Variants in HMGB1 observed in about 807,000 individuals in gnomAD.
The protein encoded by HMGB1 is high mobility group protein B1.
For synonymous variants in HMGB1, 81 were observed against 84.0 expected (o/e 0.96, Z 0.19); for missense variants, 79 against 253.5 (o/e 0.31, Z 4.67).
At chr13:30,466,249 T>C (rs1886779584), upstream of HMGB1, among the ~76,000 whole-genome samples, 1 of 151,814 alleles carries the variant, frequency 6.6e-6, no homozygotes, top group Non-Finnish European at 1.5e-5. Context: ...GCCTGACTTT[T>C]CCACAAGTGT....
At chr13:30,575,236 C>T (rs1405478716) in intron 1 of HMGB1, among the ~76,000 whole-genome samples, 1 of 152,126 alleles carries the variant, frequency 6.6e-6, no homozygotes, top group Non-Finnish European at 1.5e-5. Flanking sequence ...GTTAAACTTG[C>T]TTCAGTTTGT....
Position 30,531,509 on chromosome 13 carries a change from CGTGTGTGTGTGTGTGTGTGTGTGT to C in HMGB1, c.-14-67839_-14-67816del, listed in dbSNP as rs376387192. Among the ~76,000 whole-genome samples, 9 of 135,666 alleles carry C rather than the reference CGTGTGTGTGTGTGTGTGTGTGTGT, an allele frequency of 6.6e-5. No homozygotes were observed. The East Asian group carries it at 1.3e-3, about 20-fold the overall frequency. 89.0% of individuals were successfully genotyped at this position (135,666 alleles called of 152,430 possible). A position where few individuals can be genotyped will look rare whatever the true frequency, so the allele number is the denominator to read the frequency against. Reference sequence around the variant, plus strand: ...GAACTGCTATGCTAGGTAACATATACGTGTGTGTGTGTGTGTGTGTGTGTGTGTGTGTGTGTGTGTGTGTGTGTT... The same window carrying C: ...GAACTGCTATGCTAGGTAACATATACGTGTGTGTGTGTGTGTGTGTGTGTT... On this transcript the variant is annotated intron_variant, in intron 1 of 4. Coordinates refer to the HMGB1 transcript ENST00000405805.
rs574148718 is a variant in HMGB1 at position 30,563,005 on chromosome 13, A to G, written c.-15+53666T>C. Among the ~76,000 whole-genome samples, 16 of 152,338 alleles carry G rather than the reference A, an allele frequency of 1.1e-4. No homozygotes were observed. The East Asian group carries it at 2.3e-3, about 22-fold the overall frequency. ...GCCAGGTCTGCGATGTATGTTCTAC[A>G]TGGTTTGGGGGGTAAAAAAAATGTC... On this transcript the variant is annotated intron_variant, in intron 1 of 4. Transcript: ENST00000405805.
intron 1 of HMGB1, among the ~76,000 whole-genome samples, chr13:30,503,528 T>C (rs921888550): frequency 1.3e-5 from 2 of 151,970 alleles, no homozygotes; most frequent in African/African-American, 4.8e-5. Context: ...ATGGATAAGG[T>C]TCCTCTTCTG....
At chr13:30,583,813 G>A (rs141144845) in intron 1 of HMGB1, among the ~76,000 whole-genome samples, 67 of 131,672 alleles carry the variant, frequency 5.1e-4, no homozygotes, top group African/African-American at 1.8e-3. Flanking sequence ...CAGAGCGAGC[G>A]AGACTCTGTC....
chr13:30,525,502 T>G (rs1888342226), intron 1 of HMGB1, among the ~76,000 whole-genome samples: 1 of 152,320 alleles, frequency 6.6e-6, no homozygotes, highest in African/African-American at 2.4e-5. Flanking sequence ...TTTAGCCCAG[T>G]TGTTTTGCAC....
chr13:30,467,831 G>GT (rs1297029651), upstream of HMGB1, among the ~76,000 whole-genome samples: 3 of 152,190 alleles, frequency 2.0e-5, no homozygotes, highest in Admixed American at 1.3e-4. Flanking sequence ...TGTTGGCTTT[G>GT]TACTGGCACG....
intron 1 of HMGB1, among the ~76,000 whole-genome samples, chr13:30,546,914 C>T (rs528237159): frequency 2.6e-4 from 39 of 152,366 alleles, no homozygotes; most frequent in Middle Eastern, 6.8e-3. Context: ...CCCTACAACA[C>T]ACACATTTGT....
intron 1 of HMGB1, among the ~76,000 whole-genome samples, chr13:30,528,080 T>C (rs932324212): frequency 1.2e-4 from 19 of 152,246 alleles, no homozygotes; most frequent in Non-Finnish European, 4.4e-5. Flanking sequence ...CGCATCCTCA[T>C]GCGGTCTTAA....
chr13:30,461,746 T>C, intron 4 of HMGB1: 2 of 1,275,966 alleles, frequency 1.6e-6, no homozygotes, highest in Non-Finnish European at 2.2e-6. Context: ...ACTCATGAAA[T>C]GGCATAGTCT....
Position 30,463,293 on chromosome 13 carries a change from A to G in HMGB1, c.210T>C (p.Arg70=). 6.2e-7 allele frequency: 1 copy of G among 1,609,752 alleles called. No homozygotes were observed. Among genetic ancestry groups the G allele is most frequent in the Non-Finnish European group, 8.5e-7 (1 of 1,179,308 alleles). ...FEDMAKADKA[R]YEREMKTYIP... is the part of the protein sequence containing the mutation. Reference sequence around the variant, plus strand: ...TATAGGTTTTCATTTCTCTTTCATAACGGGCCTTGTCCGCTTTTGCCATAT... The same window carrying G: ...TATAGGTTTTCATTTCTCTTTCATAGCGGGCCTTGTCCGCTTTTGCCATAT... The change falls in exon 3 of 5, where the codon CGT becomes CGC. Residue 70 remains arginine (R), a synonymous_variant. Coordinates refer to ENST00000341423, the MANE Select transcript of HMGB1 (RefSeq NM_002128.7).
At chr13:30,463,378 A>C (rs1886480791) in intron 2 of HMGB1, 26 bp from the exon 3 acceptor site, 1 of 1,577,118 alleles carries the variant, frequency 6.3e-7, no homozygotes, top group East Asian at 2.2e-5. Context: ...TTGTAAGTTT[A>C]AGTTGTAACA....
At chr13:30,532,859 T>A (rs966312474) in intron 1 of HMGB1, among the ~76,000 whole-genome samples, 1 of 152,184 alleles carries the variant, frequency 6.6e-6, no homozygotes, top group Non-Finnish European at 1.5e-5. Flanking sequence ...CAACCATCCA[T>A]GCATGTGAAT....
chr13:30,464,643 G>A (rs1886609371), intron 1 of HMGB1: 3 of 983,910 alleles, frequency 3.0e-6, no homozygotes, highest in South Asian at 9.4e-5. Context: ...CGAAATGGGG[G>A]CTGGCTCCGC....
chr13:30,508,519 A>C (rs1001252152), intron 1 of HMGB1, among the ~76,000 whole-genome samples: 3 of 150,400 alleles, frequency 2.0e-5, no homozygotes, highest in Non-Finnish European at 4.4e-5. Context: ...TCAAGAAAAA[A>C]AGAAAAGAAA....
intron 1 of HMGB1, among the ~76,000 whole-genome samples, chr13:30,502,130 T>G (rs1887747517): frequency 6.6e-6 from 1 of 152,228 alleles, no homozygotes; most frequent in South Asian, 2.1e-4. Context: ...AAATGAATTT[T>G]AAAAATTAGA....
At chr13:30,529,028 C>CAAAAAAAAAA (rs59654057) in intron 1 of HMGB1, among the ~76,000 whole-genome samples, 22 of 53,546 alleles carry the variant, frequency 4.1e-4, no homozygotes, top group African/African-American at 1.4e-3. Flanking sequence ...GACTGCGTCT[C>CAAAAAAAAAA]AAAAAAAAAA....
chr13:30,485,940 C>T (rs529056976), intron 1 of HMGB1, among the ~76,000 whole-genome samples: 1 of 152,258 alleles, frequency 6.6e-6, no homozygotes, highest in South Asian at 2.1e-4. Flanking sequence ...AAAGTCAGTG[C>T]CTTGCCCGGG....
At chr13:30,490,820 G>A (rs1022031656) in intron 1 of HMGB1, among the ~76,000 whole-genome samples, 8 of 152,056 alleles carry the variant, frequency 5.3e-5, no homozygotes, top group Admixed American at 4.6e-4. Context: ...CAAACTTGAT[G>A]TTGGTAGGTA....
Sources: gnomAD v4.1 joint callset for allele counts (sites outside exome capture counted in the v4.1 genomes callset) on GRCh38, gnomAD v4.1.1 for gene constraint, MANE v1.5 for transcripts, NCBI Gene and HGNC (gene_info 2026-07-23, HGNC 2026-07-21) for gene names.